The following C1orf174 variants were observed in gnomAD, a reference collection of about 807,000 sequenced individuals.
C1orf174 encodes the protein chromosome 1 open reading frame 174, also known as UPF0688 protein C1orf174.
Under a neutral mutation model 18.4 loss-of-function variants are expected in C1orf174, and 13 were observed. The observed-to-expected ratio is 0.71, with a 90% CI of 0.46 to 1.12. The LOEUF (loss-of-function observed/expected upper bound fraction) is 1.12, where lower values mean the gene tolerates loss of function less well. Ranked by LOEUF, C1orf174 falls within the 50% of genes most tolerant of loss-of-function variation. C1orf174 has a pLI of 0.00. For missense variants in C1orf174, 309 were observed against 308.0 expected (o/e 1.00, Z -0.02); for synonymous variants, 100 against 118.3 (o/e 0.85, Z 1.01).
At chr1:3,899,418 C>A (rs368368158) in intron 1 of C1orf174, among the ~76,000 whole-genome samples, 8 of 152,310 alleles carry the variant, frequency 5.3e-5, no homozygotes, top group African/African-American at 1.9e-4. Context: ...GACCGGGACC[C>A]GCGCCGGGTC....
chr1:3,900,057 G>A (rs1390642187), intron 1 of C1orf174, 115 bp downstream of exon 1: 6 of 1,319,298 alleles, frequency 4.5e-6, no homozygotes, highest in South Asian at 1.5e-5. Flanking sequence ...AGGCCCAAGC[G>A]GAGGCCGCTC....
At position 3,900,203 on chromosome 1, in the gene C1orf174, G is replaced by A. The variant is rs376535708; in HGVS notation, c.-17C>T. 70 of 1,573,610 alleles carry A rather than the reference G, an allele frequency of 4.4e-5. No homozygotes were observed. In the African/African-American group the frequency reaches 8.6e-4, roughly 19 times the overall value. Reference sequence around the variant, plus strand: ...GCTCCTCATGAGTGTGAGCACCGCAGCCAAGCACCGCGCGCCCCGGCCAAC... The same window carrying A: ...GCTCCTCATGAGTGTGAGCACCGCAACCAAGCACCGCGCGCCCCGGCCAAC... On this transcript the variant is annotated 5_prime_UTR_variant, in exon 1 of 4. Transcript: ENST00000361605.
intron 2 of C1orf174, chr1:3,891,481 T>C: frequency 1.6e-5 from 8 of 514,496 alleles, no homozygotes; most frequent in African/African-American, 2.1e-5. Context: ...TGGCACACAG[T>C]AGGTGCTCAA....
At chr1:3,891,617 C>G in intron 2 of C1orf174, 1 of 986,240 alleles carries the variant, frequency 1.0e-6, no homozygotes, top group Non-Finnish European at 1.2e-6. Context: ...TGAAGCGGCT[C>G]TACTTCACCG....
chr1:3,889,357 T>C lies in C1orf174; in HGVS notation c.*603A>G, dbSNP rs1054901985. Reference sequence around the variant, plus strand: ...CAAAGATCCCTCTCATTAAGCCCACTGCCCTGCAGCTGACTCAAGCCATCA... The same window carrying C: ...CAAAGATCCCTCTCATTAAGCCCACCGCCCTGCAGCTGACTCAAGCCATCA... On this transcript the variant is annotated 3_prime_UTR_variant, in exon 4 of 4. Coordinates refer to ENST00000361605, the MANE Select transcript of C1orf174 (RefSeq NM_207356.3). The C allele has an allele frequency of 2.0e-5, 3 of 152,422 alleles. No individual in the cohort carries two copies. Among genetic ancestry groups the C allele is most frequent in the African/African-American group, 4.8e-5 (2 of 41,432 alleles). The allele number at this position is 152,422 out of a possible 1,614,324, so 9.4% of individuals were successfully genotyped here. A position where few individuals can be genotyped will look rare whatever the true frequency, so the allele number is the denominator to read the frequency against.
At chr1:3,891,485 T>C (rs569809924) in intron 2 of C1orf174, 1 of 557,922 alleles carries the variant, frequency 1.8e-6, no homozygotes, top group South Asian at 7.1e-5. Context: ...ACACAGTAGG[T>C]GCTCAAGAAA....
chr1:3,900,236 G>A lies in C1orf174; in HGVS notation c.-50C>T, dbSNP rs1346079510. The A allele has an allele frequency of 4.6e-6, 7 of 1,530,842 alleles. No individual in the cohort carries two copies. The highest frequency in any genetic ancestry group is 3.6e-5 in the South Asian group (3 of 82,710). The allele number at this position is 1,530,842 out of a possible 1,614,324, so 94.8% of individuals were successfully genotyped here. On this transcript the variant is annotated 5_prime_UTR_variant, in exon 1 of 4. Transcript: ENST00000361605. Reference sequence around the variant, plus strand: ...CCGCGCGCCCCGGCCAACGCGTCCCGGCGGAGCGGCGACCCGGAGTCTGCA... The same window carrying A: ...CCGCGCGCCCCGGCCAACGCGTCCCAGCGGAGCGGCGACCCGGAGTCTGCA...
intron 2 of C1orf174, chr1:3,891,808 C>A: frequency 1.1e-5 from 11 of 986,310 alleles, no homozygotes; most frequent in Non-Finnish European, 1.3e-5. Flanking sequence ...GCACAAGTGG[C>A]CTCAGAGCCT....
Position 3,890,780 on chromosome 1 carries a change from C to T in C1orf174, c.407G>A (p.Arg136Lys), listed in dbSNP as rs143229412. The change falls in exon 3 of 4, where the codon AGA (arginine) becomes AAA (lysine). Residue 136 changes from arginine (R) to lysine (K), a missense_variant. Transcript: ENST00000361605. ...GTGTTTTGGCACGGACAGGCCATCT[C>T]TAGTCTTTGCTAAGCGAGAGTCACT... ...VVSDSRLAKT[R>K]DGLSVPKHSA... 2.7e-4 allele frequency: 433 copies of T among 1,614,020 alleles called. No homozygotes were observed. The African/African-American group carries it at 5.0e-3, about 19-fold the overall frequency.
Position 3,889,894 on chromosome 1 carries a change from G to A in C1orf174, c.*66C>T. The A allele has an allele frequency of 7.6e-7, 1 of 1,312,158 alleles. No homozygotes were observed. Among genetic ancestry groups the A allele is most frequent in the South Asian group, 1.2e-5 (1 of 84,980 alleles). The allele number at this position is 1,312,158 out of a possible 1,614,324, so 81.3% of individuals were successfully genotyped here. A position where few individuals can be genotyped will look rare whatever the true frequency, so the allele number is the denominator to read the frequency against. On this transcript the variant is annotated 3_prime_UTR_variant, in exon 4 of 4. Coordinates refer to ENST00000361605, the MANE Select transcript of C1orf174 (RefSeq NM_207356.3). Reference sequence around the variant, plus strand: ...TGGAGATACATTTTATATAAATCTTGTAATGTGCTAAATTGTCAAATTGTT... The same window carrying A: ...TGGAGATACATTTTATATAAATCTTATAATGTGCTAAATTGTCAAATTGTT...
chr1:3,899,066 CATTAA>C (rs1194713517), intron 1 of C1orf174, among the ~76,000 whole-genome samples: 4 of 151,876 alleles, frequency 2.6e-5, no homozygotes, highest in South Asian at 2.1e-4. Context: ...GAAAAAAAAT[CATTAA>C]ATTAAAATGC....
chr1:3,891,807 G>T (rs954226144), intron 2 of C1orf174: 1 of 986,304 alleles, frequency 1.0e-6, no homozygotes, highest in Non-Finnish European at 1.2e-6. Flanking sequence ...AGCACAAGTG[G>T]CCTCAGAGCC....
chr1:3,889,870 G>C lies in C1orf174; in HGVS notation c.*90C>G. The C allele has an allele frequency of 1.7e-6, 2 of 1,168,270 alleles. No homozygotes were observed. The allele number at this position is 1,168,270 out of a possible 1,614,324, so 72.4% of individuals were successfully genotyped here. On this transcript the variant is annotated 3_prime_UTR_variant, in exon 4 of 4. Coordinates refer to ENST00000361605, the MANE Select transcript of C1orf174 (RefSeq NM_207356.3). ...TGAAGTTTGATTAAGACATTCTCTT[G>C]GAGATACATTTTATATAAATCTTGT... is the stretch of plus-strand genomic sequence containing the variant.
chr1:3,890,151 C>A (rs147692792), intron 3 of C1orf174, 78 bp from the exon 4 acceptor site: 2 of 1,170,696 alleles, frequency 1.7e-6, no homozygotes, highest in African/African-American at 1.5e-5. Flanking sequence ...CCCCACCCAG[C>A]GGCTCTAGGG....
rs1638470106 is a variant in C1orf174 at position 3,889,905 on chromosome 1, A to G, written c.*55T>C. ...TTTATATAAATCTTGTAATGTGCTA[A>G]ATTGTCAAATTGTTAATGGTACTAA... On this transcript the variant is annotated 3_prime_UTR_variant, in exon 4 of 4. Transcript: ENST00000361605. 7.1e-7 allele frequency: 1 copy of G among 1,408,848 alleles called. No homozygotes were observed. Among genetic ancestry groups the G allele is most frequent in the Admixed American group, 1.7e-5 (1 of 59,572 alleles). 87.3% of individuals were successfully genotyped at this position (1,408,848 alleles called of 1,614,324 possible).
At chr1:3,899,477 C>T (rs1353343281) in intron 1 of C1orf174, among the ~76,000 whole-genome samples, 1 of 151,904 alleles carries the variant, frequency 6.6e-6, no homozygotes, top group Non-Finnish European at 1.5e-5. Flanking sequence ...ACGCAATGAG[C>T]ACTTGCCCCT....
chr1:3,891,551 C>T, intron 2 of C1orf174: 4 of 981,904 alleles, frequency 4.1e-6, no homozygotes, highest in Non-Finnish European at 3.6e-6. Flanking sequence ...ATGAGCAAAG[C>T]TCTGTGCTAC....
chr1:3,890,355 C>T (rs935416578), intron 3 of C1orf174, among the ~76,000 whole-genome samples: 4 of 152,204 alleles, frequency 2.6e-5, no homozygotes, highest in African/African-American at 4.8e-5. Context: ...CATGGAAACA[C>T]ACCTTTCCCG....
In C1orf174 at chr1:3,890,051, G is replaced by C. The variant is rs139099115; in HGVS notation, c.641C>G (p.Ser214Cys). ...LMQDLPPASS[S>C]CPSMSRREFR... ...CTCTCGTCTGCTCATTGAAGGACAA[G>C]ATGAAGACGCAGGTGGGAGGTCCTT... The change falls in exon 4 of 4, where the codon TCT becomes TGT. Residue 214 changes from serine (S) to cysteine (C), a missense_variant. By Grantham distance (112) the Ser-to-Cys change is moderately radical. Transcript: ENST00000361605. 87 of 1,614,164 alleles carry C rather than the reference G, an allele frequency of 5.4e-5. No individual in the cohort carries two copies. Among genetic ancestry groups the C allele is most frequent in the South Asian group, 1.3e-4 (12 of 91,076 alleles).
Sources: allele counts gnomAD v4.1 joint callset (sites outside exome capture counted in the v4.1 genomes callset), GRCh38; gene constraint gnomAD v4.1.1; transcripts MANE v1.5; gene names NCBI Gene and HGNC (gene_info 2026-07-23, HGNC 2026-07-21).